The following PFKFB3 variants were observed in gnomAD, a reference collection of about 807,000 sequenced individuals.
PFKFB3 encodes 6-phosphofructo-2-kinase/fructose-2,6-biphosphatase 3, also known as 6-phosphofructo-2-kinase/fructose-2,6-bisphosphatase 3.
Under a neutral mutation model 68.0 loss-of-function variants are expected in PFKFB3, and 33 were observed. That is an observed-to-expected ratio of 0.49 (90% CI 0.37 to 0.65). PFKFB3 has a LOEUF of 0.65. Ranked by LOEUF, PFKFB3 falls within the 30% of genes least tolerant of loss-of-function variation. The pLI is 0.00. For synonymous variants in PFKFB3, 315 were observed against 288.2 expected, an observed-to-expected ratio of 1.09 and a Z score of -0.94; for missense variants, 586 against 712.2, an observed-to-expected ratio of 0.82 and a Z score of 2.02.
At chr10:6,324,223 C>T in the PFKFB3 span, among the ~76,000 whole-genome samples, 30 of 152,108 alleles carry the variant, frequency 2.0e-4, no homozygotes, top group Non-Finnish European at 4.1e-4. Context: ...CGACAGACAC[C>T]ATATGATTCT....
At chr10:6,219,542 A>G (rs1268543994) in intron 6 of PFKFB3, 27 bp from the exon 7 acceptor site, 1 of 1,613,716 alleles carries the variant, frequency 6.2e-7, no homozygotes, top group East Asian at 2.2e-5. Flanking sequence ...AGCGTGATTT[A>G]TCAGCCACCC....
chr10:6,161,561 CAT>C (rs1202678930), intron 1 of PFKFB3, among the ~76,000 whole-genome samples: 3 of 146,868 alleles, frequency 2.0e-5, no homozygotes, highest in Admixed American at 7.0e-5. Flanking sequence ...TATATACACA[CAT>C]ATGTATATAT....
intron 1 of PFKFB3, among the ~76,000 whole-genome samples, chr10:6,158,399 C>A (rs1001618769): frequency 6.6e-6 from 1 of 152,106 alleles, no homozygotes; most frequent in Admixed American, 6.6e-5. Flanking sequence ...CAGATTGAGA[C>A]CAAAATGAAG....
intron 13 of PFKFB3, among the ~76,000 whole-genome samples, 181 bp from the exon 14 acceptor site, chr10:6,226,011 C>T (rs1224050867): frequency 6.6e-6 from 1 of 152,214 alleles, no homozygotes; most frequent in Non-Finnish European, 1.5e-5. Flanking sequence ...CCCATTCTTG[C>T]TGCCTGGCAG....
exon 1 of PFKFB3, chr10:6,144,959 G>A (rs1002609858): frequency 1.6e-6 from 2 of 1,271,844 alleles, no homozygotes; most frequent in Non-Finnish European, 2.0e-6. Flanking sequence ...TCCTGTCTGG[G>A]TGTCGCGGGC....
intron 1 of PFKFB3, among the ~76,000 whole-genome samples, chr10:6,177,136 G>C (rs1842495966): frequency 6.6e-6 from 1 of 152,166 alleles, no homozygotes; most frequent in African/African-American, 2.4e-5. Flanking sequence ...TTCCCTAATG[G>C]TTTCCTGTGT....
chr10:6,145,448 C>T (rs1443035063), intron 1 of PFKFB3, among the ~76,000 whole-genome samples: 3 of 152,154 alleles, frequency 2.0e-5, no homozygotes, highest in African/African-American at 7.2e-5. Flanking sequence ...AGCGAATTCC[C>T]GCTTCCCGCT....
intron 2 of PFKFB3, among the ~76,000 whole-genome samples, chr10:6,214,861 A>G (rs1450745635): frequency 6.6e-6 from 1 of 152,176 alleles, no homozygotes; most frequent in African/African-American, 2.4e-5. Context: ...CCATTGGTGG[A>G]AATGTGTTGT....
At chr10:6,184,342 C>A (rs536003956) in intron 1 of PFKFB3, among the ~76,000 whole-genome samples, 1 of 152,110 alleles carries the variant, frequency 6.6e-6, no homozygotes, top group Non-Finnish European at 1.5e-5. Flanking sequence ...TGTGAGCTAC[C>A]ACACCCAGCC....
rs1290514088 is a variant in PFKFB3, at chr10:6,213,851, C to T, written c.202+103C>T. 4.6e-6 allele frequency: 6 copies of T among 1,305,222 alleles called. 1 individual carries two copies. Among genetic ancestry groups the T allele is most frequent in the South Asian group, 4.1e-5 (3 of 73,388 alleles). The allele number at this position is 1,305,222 out of a possible 1,614,324, so 80.9% of individuals were successfully genotyped here. ...AGGACCACCCCTGGGCGCCTCTGTC[C>T]CCTGGTCGGGGAGTCTGATCCTGCC... On this transcript the variant is annotated intron_variant, in intron 2 of 14. Coordinates refer to ENST00000379775, the MANE Select transcript of PFKFB3 (RefSeq NM_004566.4).
At chr10:6,188,960 G>A (rs946491756) in intron 1 of PFKFB3, among the ~76,000 whole-genome samples, 11 of 150,646 alleles carry the variant, frequency 7.3e-5, no homozygotes, top group Admixed American at 3.3e-4. Flanking sequence ...TCAGCCTCCC[G>A]AGTAGCTGGG....
At chr10:6,179,002 G>T (rs1251407521) in intron 1 of PFKFB3, among the ~76,000 whole-genome samples, 1 of 152,262 alleles carries the variant, frequency 6.6e-6, no homozygotes, top group Non-Finnish European at 1.5e-5. Flanking sequence ...CTCTGGAAGA[G>T]CAGTACTATC....
chr10:6,297,856 T>C, the PFKFB3 span, among the ~76,000 whole-genome samples: 1 of 152,212 alleles, frequency 6.6e-6, no homozygotes, highest in East Asian at 1.9e-4. Context: ...ATCTCTAGTC[T>C]TGTATAACAC....
At chr10:6,184,195 G>T (rs1179463972) in intron 1 of PFKFB3, among the ~76,000 whole-genome samples, 1 of 151,794 alleles carries the variant, frequency 6.6e-6, no homozygotes, top group Non-Finnish European at 1.5e-5. Context: ...TGGGGTTGTA[G>T]GTGCCCACCA....
At chr10:6,232,791 G>C in intron 14 of PFKFB3, 104 bp from the exon 15 acceptor site, 1 of 878,136 alleles carries the variant, frequency 1.1e-6, no homozygotes, top group Non-Finnish European at 1.9e-6. Context: ...CTGGGATGGA[G>C]GGAGGGAAGA....
At chr10:6,311,796 C>T in the PFKFB3 span, among the ~76,000 whole-genome samples, 4,683 of 152,040 alleles carry the variant, frequency 0.031, 106 homozygotes, top group Non-Finnish European at 0.046. Flanking sequence ...AAAGGCAAAC[C>T]CACAATGGTG....
At chr10:6,262,697 C>G in the PFKFB3 span, among the ~76,000 whole-genome samples, 1 of 152,100 alleles carries the variant, frequency 6.6e-6, no homozygotes, top group African/African-American at 2.4e-5. Flanking sequence ...ACATAGGTTT[C>G]AGAGTCTGAA....
chr10:6,252,652 G>T (rs1326418831), intron 14 of PFKFB3, among the ~76,000 whole-genome samples: 1 of 152,166 alleles, frequency 6.6e-6, no homozygotes, highest in Non-Finnish European at 1.5e-5. Context: ...TAAAAGATAT[G>T]ATATAACACT....
intron 1 of PFKFB3, among the ~76,000 whole-genome samples, chr10:6,184,286 C>T (rs1842810855): frequency 1.3e-5 from 2 of 151,988 alleles, no homozygotes; most frequent in Non-Finnish European, 2.9e-5. Context: ...CTTCTGACCT[C>T]AGGTGATCTG....
Sources: allele counts gnomAD v4.1 joint callset (sites outside exome capture counted in the v4.1 genomes callset), GRCh38; gene constraint gnomAD v4.1.1; transcripts MANE v1.5; gene names NCBI Gene and HGNC (gene_info 2026-07-23, HGNC 2026-07-21).